SLC24A5: variants seen among roughly 807,000 people sequenced by gnomAD.
SLC24A5 encodes sodium/potassium/calcium exchanger 5.
A neutral mutation model predicts 51.6 loss-of-function variants in SLC24A5; 46 were observed. The observed-to-expected ratio is 0.89, with a 90% CI of 0.70 to 1.14. SLC24A5 has a LOEUF of 1.14. Ranked by LOEUF, SLC24A5 falls within the 50% of genes most tolerant of loss-of-function variation. SLC24A5 has a pLI of 0.00. For synonymous variants in SLC24A5, 230 were observed against 214.9 expected (o/e 1.07, Z -0.62); for missense variants, 581 against 604.1 (o/e 0.96, Z 0.40).
At chr15:48,140,595 G>C (rs960585331) in intron 7 of SLC24A5, 13 of 152,340 alleles carry the variant, frequency 8.5e-5, no homozygotes, top group African/African-American at 3.1e-4. Context: ...TTTCCTCAGA[G>C]ATTAATGAAC....
intron 2 of SLC24A5, chr15:48,123,294 T>A (rs1170340265): frequency 2.0e-5 from 3 of 151,956 alleles, no homozygotes; most frequent in Admixed American, 2.0e-4. Flanking sequence ...TTAAATTATT[T>A]AACAGTTTTA....
chr15:48,142,187 AT>A lies in SLC24A5; in HGVS notation c.1342del (p.Ser448GlnfsTer7), dbSNP rs756096375. On this transcript the variant is annotated frameshift_variant, in exon 9 of 9. Transcript: ENST00000341459. LOFTEE classifies it high-confidence loss of function. Reference sequence around the variant, plus strand: ...AACTTACATAACCATCTCTCTCAACATTTCAATTATTTTTCTTTTTTTAGCA... The same window carrying A: ...AACTTACATAACCATCTCTCTCAACATTCAATTATTTTTCTTTTTTTAGCA... ...GLTYITISLNISIIFLFLAVH... is the reference protein window; with the variant it reads ...GLTYITISLNXSIIFLFLAVH... The A allele has an allele frequency of 1.9e-6, 3 of 1,613,702 alleles. No homozygotes were observed. The highest frequency in any genetic ancestry group is 2.7e-5 in the African/African-American group (2 of 74,910).
At chr15:48,135,553 G>A (rs559204748) in intron 5 of SLC24A5, 3 of 152,626 alleles carry the variant, frequency 2.0e-5, no homozygotes, top group South Asian at 4.1e-4. Flanking sequence ...AAAAGGTGGT[G>A]ACTGAGTGGA....
chr15:48,127,189 C>G (rs2555364), intron 2 of SLC24A5, among the ~76,000 whole-genome samples: 122,997 of 152,138 alleles, frequency 0.81, 54,371 homozygotes, highest in Non-Finnish European at 1. Context: ...TGCTGTGTGA[C>G]AAGTGCACGA....
intron 2 of SLC24A5, among the ~76,000 whole-genome samples, chr15:48,130,294 G>A (rs563508247): frequency 2.6e-4 from 40 of 152,116 alleles, no homozygotes; most frequent in African/African-American, 8.7e-4. Context: ...CCAAAAGGTC[G>A]AAGAAGACAA....
Position 48,134,985 on chromosome 15 carries a change from G to T in SLC24A5, c.590+1G>T. ...TAATATATGACAACCAAGTTTACTG[G>T]TAAGCTTGAAAATAATTCTTATGTA... On this transcript the variant is annotated splice_donor_variant, in intron 5 of 8. Transcript: ENST00000341459. LOFTEE classifies it high-confidence loss of function. 2 of 1,595,874 alleles carry T rather than the reference G, an allele frequency of 1.3e-6. No individual in the cohort carries two copies. Among genetic ancestry groups the T allele is most frequent in the Non-Finnish European group, 1.7e-6 (2 of 1,165,894 alleles).
At chr15:48,134,188 T>C (rs1363446566) in intron 2 of SLC24A5, 70 bp from the exon 3 acceptor site, 1 of 1,239,498 alleles carries the variant, frequency 8.1e-7, no homozygotes, top group African/African-American at 1.6e-5. Flanking sequence ...TTTGAGTATC[T>C]ATTGTGTTTA....
chr15:48,136,541 A>G, intron 5 of SLC24A5, 142 bp from the exon 6 acceptor site: 3 of 780,018 alleles, frequency 3.8e-6, no homozygotes, highest in Non-Finnish European at 5.9e-6. Context: ...GGACAAATCT[A>G]CAAAACAAAA....
intron 2 of SLC24A5, chr15:48,124,678 A>G (rs920217766): frequency 6.6e-6 from 1 of 152,220 alleles, no homozygotes; most frequent in African/African-American, 2.4e-5. Context: ...TGACTTCAAA[A>G]TATTGTTCAT....
Position 48,137,011 on chromosome 15 carries a change from A to T in SLC24A5, c.871+48A>T, listed in dbSNP as rs372740055. ...TATTAAGTCTATTCGCAAAGGAAAA[A>T]CTTTAAAATTTCATTTCAATTCAGC... On this transcript the variant is annotated intron_variant, in intron 6 of 8. Coordinates refer to ENST00000341459, the MANE Select transcript of SLC24A5 (RefSeq NM_205850.3). 11 of 1,532,126 alleles carry T rather than the reference A, an allele frequency of 7.2e-6. No individual in the cohort carries two copies. In the African/African-American group the frequency reaches 1.4e-4, roughly 19 times the overall value. The allele number at this position is 1,532,126 out of a possible 1,614,324, so 94.9% of individuals were successfully genotyped here.
intron 2 of SLC24A5, among the ~76,000 whole-genome samples, chr15:48,127,207 C>A (rs912027400): frequency 2.0e-5 from 3 of 152,174 alleles, no homozygotes; most frequent in African/African-American, 7.2e-5. Context: ...CGAAGAAACA[C>A]AAGTGAACTG....
intron 2 of SLC24A5, among the ~76,000 whole-genome samples, chr15:48,133,022 G>A (rs1176175670): frequency 1.3e-5 from 2 of 151,920 alleles, no homozygotes; most frequent in Admixed American, 1.3e-4. Flanking sequence ...TGCCGTCCCA[G>A]CAGACTACAG....
intron 2 of SLC24A5, among the ~76,000 whole-genome samples, chr15:48,129,522 A>G (rs1166058991): frequency 2.6e-5 from 4 of 152,096 alleles, no homozygotes; most frequent in Non-Finnish European, 5.9e-5. Context: ...ACAAAGCACA[A>G]AAGTTTGCAG....
intron 6 of SLC24A5, chr15:48,137,268 T>TAGTA: frequency 3.7e-6 from 1 of 273,942 alleles, no homozygotes. Context: ...AGGGAGCATT[T>TAGTA]AAATTGGGCC....
chr15:48,123,371 A>G (rs1266856943), intron 2 of SLC24A5: 1 of 152,142 alleles, frequency 6.6e-6, no homozygotes, highest in African/African-American at 2.4e-5. Flanking sequence ...CCATCTACAC[A>G]GTTACCATTT....
rs1440190239 is a variant in SLC24A5 at position 48,121,893 on chromosome 15, A to C, written c.158A>C (p.Glu53Ala). Residue 53 changes from glutamate to alanine, a missense_variant, in exon 2 of 9, where the codon GAG (glutamate) becomes GCG (alanine). Physicochemically the swap from Glu to Ala is moderately radical, Grantham distance 107. Coordinates refer to ENST00000341459, the MANE Select transcript of SLC24A5 (RefSeq NM_205850.3). ...STQCVISPSS[E>A]FPEGFFTRQE... Reference sequence around the variant, plus strand: ...CAATGTGTTATTTCTCCATCATCGGAGTTTCCCGAAGGGTTTTTCACGAGA... The same window carrying C: ...CAATGTGTTATTTCTCCATCATCGGCGTTTCCCGAAGGGTTTTTCACGAGA... 6.2e-7 allele frequency: 1 copy of C among 1,614,126 alleles called. No individual in the cohort carries two copies. Among genetic ancestry groups the C allele is most frequent in the South Asian group, 1.1e-5 (1 of 91,080 alleles).
intron 2 of SLC24A5, among the ~76,000 whole-genome samples, chr15:48,128,841 G>T (rs997236600): frequency 2.0e-5 from 3 of 152,072 alleles, no homozygotes; most frequent in African/African-American, 7.2e-5. Flanking sequence ...CGATGCTATT[G>T]CAGGAACAAG....
chr15:48,129,602 C>T (rs2140717004), intron 2 of SLC24A5, among the ~76,000 whole-genome samples: 1 of 152,038 alleles, frequency 6.6e-6, no homozygotes, highest in East Asian at 1.9e-4. Context: ...TTAAAATGTG[C>T]ATTGTGAAAA....
chr15:48,136,197 C>T (rs1453645674), intron 5 of SLC24A5: 1 of 152,094 alleles, frequency 6.6e-6, no homozygotes, highest in Non-Finnish European at 1.5e-5. Context: ...CCTAAGCCTC[C>T]CATATCTGAG....
Sources: allele counts gnomAD v4.1 joint callset (sites outside exome capture counted in the v4.1 genomes callset), GRCh38; gene constraint gnomAD v4.1.1; transcripts MANE v1.5; gene names NCBI Gene and HGNC (gene_info 2026-07-23, HGNC 2026-07-21).